The following SHC4 variants were observed in gnomAD, a reference collection of about 807,000 sequenced individuals.
SHC4 encodes SHC-transforming protein 4.
Under a neutral mutation model 69.4 loss-of-function variants are expected in SHC4, and 41 were observed. That is an observed-to-expected ratio of 0.59 (90% CI 0.46 to 0.77). The LOEUF is 0.77. Among genes scored for constraint, SHC4 ranks in the 30% least tolerant of loss-of-function variants. The probability of loss-of-function intolerance (pLI) is 0.00; values close to 1 mark genes in which losing one functional copy is unlikely to be tolerated. For synonymous variants in SHC4, 318 were observed against 299.3 expected (o/e 1.06, Z -0.64); for missense variants, 777 against 783.8 (o/e 0.99, Z 0.10).
intron 3 of SHC4, among the ~76,000 whole-genome samples, chr15:48,889,063 C>G (rs2141004970): frequency 6.6e-6 from 1 of 152,276 alleles, no homozygotes; most frequent in Admixed American, 6.5e-5. Context: ...CTGTTTTTCT[C>G]TGCAAGTGTA....
chr15:48,863,665 G>A (rs1899497071), intron 6 of SHC4, among the ~76,000 whole-genome samples: 1 of 152,150 alleles, frequency 6.6e-6, no homozygotes, highest in African/African-American at 2.4e-5. Context: ...TATCAGCAGT[G>A]TTCAAGAATA....
At chr15:48,935,550 T>A (rs1043155064) in intron 1 of SHC4, among the ~76,000 whole-genome samples, 2 of 152,220 alleles carry the variant, frequency 1.3e-5, no homozygotes, top group Non-Finnish European at 2.9e-5. Context: ...GTGTTCCTTC[T>A]TAAAGGGGTA....
intron 2 of SHC4, among the ~76,000 whole-genome samples, chr15:48,896,862 T>G (rs1005620678): frequency 6.6e-6 from 1 of 152,226 alleles, no homozygotes; most frequent in African/African-American, 2.4e-5. Flanking sequence ...TTTCTTCCCC[T>G]GCTACTGGGA....
At chr15:48,852,089 G>T (rs887086714) in intron 8 of SHC4, among the ~76,000 whole-genome samples, 1 of 152,334 alleles carries the variant, frequency 6.6e-6, no homozygotes, top group Admixed American at 6.5e-5. Context: ...TTTGGAGTCA[G>T]GGAGAAAATG....
intron 1 of SHC4, among the ~76,000 whole-genome samples, chr15:48,956,033 G>C (rs11636290): frequency 6.6e-6 from 1 of 152,096 alleles, no homozygotes; most frequent in Admixed American, 6.5e-5. Flanking sequence ...ACCAATCAAG[G>C]GATATGTGAA....
At chr15:48,831,506 C>T (rs1489823345) in intron 11 of SHC4, among the ~76,000 whole-genome samples, 1 of 152,148 alleles carries the variant, frequency 6.6e-6, no homozygotes, top group East Asian at 1.9e-4. Context: ...CATTGTGTTA[C>T]AATTGTCTAC....
intron 9 of SHC4, among the ~76,000 whole-genome samples, chr15:48,848,322 G>A (rs1477907137): frequency 6.6e-6 from 1 of 152,076 alleles, no homozygotes; most frequent in African/African-American, 2.4e-5. Context: ...GATTTACGGG[G>A]GAGCAAAGTA....
At chr15:48,918,512 T>C (rs1220856610) in intron 2 of SHC4, among the ~76,000 whole-genome samples, 1 of 152,256 alleles carries the variant, frequency 6.6e-6, no homozygotes, top group African/African-American at 2.4e-5. Context: ...TCAGGTTGTT[T>C]TGTTACCGAT....
chr15:48,910,998 T>C (rs1322389640), intron 2 of SHC4, among the ~76,000 whole-genome samples: 2 of 152,200 alleles, frequency 1.3e-5, no homozygotes, highest in Non-Finnish European at 2.9e-5. Flanking sequence ...ATGGTCTATC[T>C]TGGAGAAAAT....
chr15:48,943,565 G>A (rs1235956967), intron 1 of SHC4, among the ~76,000 whole-genome samples: 1 of 151,956 alleles, frequency 6.6e-6, no homozygotes, highest in African/African-American at 2.4e-5. Flanking sequence ...TGAACACGGG[G>A]GTGCAGAAAG....
intron 2 of SHC4, among the ~76,000 whole-genome samples, chr15:48,920,019 T>G (rs1166032052): frequency 8.6e-5 from 13 of 151,488 alleles, no homozygotes; most frequent in South Asian, 2.1e-4. Flanking sequence ...GAGTTTGTTT[T>G]TTTTTTTTTT....
chr15:48,850,752 C>T (rs1899195445), intron 9 of SHC4, among the ~76,000 whole-genome samples: 1 of 152,186 alleles, frequency 6.6e-6, no homozygotes, highest in African/African-American at 2.4e-5. Flanking sequence ...ATGAGATTCT[C>T]ACATTTCAGA....
chr15:48,835,990 A>C (rs938098443), intron 10 of SHC4, among the ~76,000 whole-genome samples: 8 of 148,808 alleles, frequency 5.4e-5, no homozygotes, highest in African/African-American at 2.0e-4. Context: ...CCAGCCTGGG[A>C]AACATGATGA....
intron 2 of SHC4, among the ~76,000 whole-genome samples, chr15:48,917,545 T>C (rs1259854757): frequency 6.6e-6 from 1 of 152,098 alleles, no homozygotes; most frequent in Non-Finnish European, 1.5e-5. Context: ...AAAAACCTCC[T>C]CTTTTGCCCT....
rs780075782 is a variant in SHC4 at position 48,924,879 on chromosome 15, C to G, written c.656G>C (p.Arg219Thr). Residue 219 changes from arginine to threonine, a missense_variant and splice_region_variant, in exon 2 of 12, where the codon AGG becomes ACG. Physicochemically the swap from Arg to Thr is moderately conservative, Grantham distance 71. Transcript: ENST00000332408. ...LDFGMRTQVT[R>T]EAISRLCEAV... ...GCCCCTCCCATTTTTGGCTTCTTAC[C>G]TTGTAACTTGGGTTCTCATTCCAAA... The G allele has an allele frequency of 6.2e-7, 1 of 1,614,062 alleles. No homozygotes were observed. The highest frequency in any genetic ancestry group is 8.5e-7 in the Non-Finnish European group (1 of 1,179,986).
At chr15:48,880,662 C>G (rs1467881386) in intron 4 of SHC4, among the ~76,000 whole-genome samples, 10 of 152,024 alleles carry the variant, frequency 6.6e-5, no homozygotes, top group Non-Finnish European at 1.5e-4. Context: ...GGAGAAAAAC[C>G]TGGGCTCTGC....
In SHC4 at chr15:48,924,904, A is replaced by G. The variant is rs1425559426; in HGVS notation, c.631T>C (p.Phe211Leu). Residue 211 changes from phenylalanine to leucine, a missense_variant, in exon 2 of 12, where the codon TTT (phenylalanine) becomes CTT (leucine). Transcript: ENST00000332408. ...CTTGTAACTTGGGTTCTCATTCCAAAATCCAGTGATCTCATTGATTGCAGC... is the reference window on the plus strand; with the variant it reads ...CTTGTAACTTGGGTTCTCATTCCAAGATCCAGTGATCTCATTGATTGCAGC... ...EVLQSMRSLD[F>L]GMRTQVTREA... 5.6e-6 allele frequency: 9 copies of G among 1,614,052 alleles called. No individual in the cohort carries two copies. Among genetic ancestry groups the G allele is most frequent in the Non-Finnish European group, 7.6e-6 (9 of 1,180,024 alleles).
At chr15:48,950,211 A>C (rs1901345091) in intron 1 of SHC4, among the ~76,000 whole-genome samples, 1 of 145,426 alleles carries the variant, frequency 6.9e-6, no homozygotes, top group African/African-American at 2.5e-5. Context: ...AATTGTATTT[A>C]TATTATTATA....
intron 5 of SHC4, among the ~76,000 whole-genome samples, chr15:48,870,657 A>T (rs1899653126): frequency 1.3e-5 from 2 of 151,872 alleles, no homozygotes; most frequent in Admixed American, 1.3e-4. Context: ...AGCCTGAGTG[A>T]CAAGAGTGAG....
Sources: allele counts gnomAD v4.1 joint callset (sites outside exome capture counted in the v4.1 genomes callset), GRCh38; gene constraint gnomAD v4.1.1; transcripts MANE v1.5; gene names NCBI Gene and HGNC (gene_info 2026-07-23, HGNC 2026-07-21).